The following DPP6 variants were observed in gnomAD, a reference collection of about 807,000 sequenced individuals.
The protein encoded by DPP6 is A-type potassium channel modulatory protein DPP6.
A neutral mutation model predicts 122.6 loss-of-function variants in DPP6; 69 were observed. That is an observed-to-expected ratio of 0.56 (90% CI 0.46 to 0.69). The LOEUF (loss-of-function observed/expected upper bound fraction) is 0.69, where lower values mean the gene tolerates loss of function less well. Ranked by LOEUF, DPP6 falls within the 30% of genes least tolerant of loss-of-function variation. The probability of loss-of-function intolerance (pLI) is 0.00; values close to 1 mark genes in which losing one functional copy is unlikely to be tolerated. For synonymous variants in DPP6, 418 were observed against 433.1 expected (o/e 0.97, Z 0.43); for missense variants, 928 against 1,116.9 (o/e 0.83, Z 2.41).
At chr7:154,571,940 C>T (rs1291744760) in intron 5 of DPP6, among the ~76,000 whole-genome samples, 2 of 152,136 alleles carry the variant, frequency 1.3e-5, no homozygotes, top group Non-Finnish European at 2.9e-5. Flanking sequence ...CACTCAGGGT[C>T]TTCTATAAAG....
intron 1 of DPP6, among the ~76,000 whole-genome samples, chr7:154,209,675 TATC>T (rs1419966480): frequency 6.6e-6 from 1 of 152,168 alleles, no homozygotes; most frequent in Non-Finnish European, 1.5e-5. Context: ...CACCATGAAT[TATC>T]ATCATCGTTT....
chr7:154,361,583 T>C (rs1330841383), intron 1 of DPP6, among the ~76,000 whole-genome samples: 1 of 119,228 alleles, frequency 8.4e-6, no homozygotes, highest in Non-Finnish European at 1.6e-5. Context: ...AGCAAAGAAA[T>C]CTTGAGAATA....
At chr7:153,872,107 G>A in the DPP6 span, among the ~76,000 whole-genome samples, 23 of 152,148 alleles carry the variant, frequency 1.5e-4, no homozygotes, top group African/African-American at 4.8e-4. Flanking sequence ...ATCCACAATC[G>A]TTCCATCTGT....
intron 1 of DPP6, among the ~76,000 whole-genome samples, chr7:154,183,289 C>G (rs1798186392): frequency 6.6e-6 from 1 of 152,158 alleles, no homozygotes; most frequent in Admixed American, 6.6e-5. Context: ...CCCAAAAGAA[C>G]AGTGTTCATT....
intron 1 of DPP6, among the ~76,000 whole-genome samples, chr7:153,943,997 C>T (rs919169847): frequency 6.6e-6 from 1 of 152,192 alleles, no homozygotes; most frequent in Non-Finnish European, 1.5e-5. Flanking sequence ...AGCTGCTCCA[C>T]GGTTTCCCCA....
At chr7:154,017,865 A>T (rs1452270276) in intron 1 of DPP6, among the ~76,000 whole-genome samples, 1 of 151,822 alleles carries the variant, frequency 6.6e-6, no homozygotes, top group Non-Finnish European at 1.5e-5. Flanking sequence ...TCTCTTCTTC[A>T]TAAGTGAGGA....
At chr7:154,753,979 G>A (rs527525441) in intron 8 of DPP6, among the ~76,000 whole-genome samples, 20 of 152,122 alleles carry the variant, frequency 1.3e-4, no homozygotes, top group Non-Finnish European at 2.5e-4. Flanking sequence ...ATTAATCATC[G>A]GATATAGTTG....
At chr7:154,786,317 G>C (rs573701287) in intron 10 of DPP6, among the ~76,000 whole-genome samples, 1 of 152,210 alleles carries the variant, frequency 6.6e-6, no homozygotes, top group South Asian at 2.1e-4. Flanking sequence ...CCAGCATTTT[G>C]AGATGCTAAA....
chr7:154,265,601 T>G (rs891349096), intron 1 of DPP6, among the ~76,000 whole-genome samples: 1 of 152,210 alleles, frequency 6.6e-6, no homozygotes, highest in African/African-American at 2.4e-5. Flanking sequence ...CACCATTGAT[T>G]GTATTAGCAA....
intron 3 of DPP6, among the ~76,000 whole-genome samples, chr7:154,512,365 GTATTATT>G: frequency 2.0e-5 from 3 of 152,256 alleles, no homozygotes; most frequent in Non-Finnish European, 4.4e-5. Flanking sequence ...GAAGCACGCT[GTATTATT>G]TTTCATGACA....
chr7:154,284,474 G>A (rs146053265), intron 1 of DPP6, among the ~76,000 whole-genome samples: 2 of 152,202 alleles, frequency 1.3e-5, no homozygotes, highest in African/African-American at 2.4e-5. Context: ...TCAATAAAAT[G>A]TGGTATATCC....
intron 21 of DPP6, chr7:154,884,518 C>T (rs541700058): frequency 2.6e-5 from 4 of 152,138 alleles, no homozygotes; most frequent in South Asian, 2.1e-4. Context: ...CATGCTCACA[C>T]ACATTCACAT....
chr7:153,749,697 G>T, the DPP6 span, among the ~76,000 whole-genome samples: 1 of 152,108 alleles, frequency 6.6e-6, no homozygotes, highest in Non-Finnish European at 1.5e-5. This position sits in a 1 kb window ranked among gnomAD's most constrained non-coding sequence, Gnocchi z 4.1. Flanking sequence ...ATCCTGTGGG[G>T]CCCGGCCACC....
intron 1 of DPP6, among the ~76,000 whole-genome samples, chr7:154,190,746 C>T (rs1441577344): frequency 6.6e-6 from 1 of 152,008 alleles, no homozygotes; most frequent in Non-Finnish European, 1.5e-5. Context: ...GCCTGAAAAG[C>T]CCATGAATTC....
intron 5 of DPP6, chr7:154,587,744 A>G: frequency 6.3e-7 from 1 of 1,575,312 alleles, no homozygotes; most frequent in Non-Finnish European, 8.6e-7. Context: ...GCTTGTCACC[A>G]GGGCTGTTTT....
chr7:154,301,417 G>A (rs1367696776), intron 1 of DPP6, among the ~76,000 whole-genome samples: 3 of 152,096 alleles, frequency 2.0e-5, no homozygotes, highest in African/African-American at 4.8e-5. Flanking sequence ...CCTGCAGCCC[G>A]TAGTTACTGA....
At chr7:154,273,608 C>T (rs1405163698) in intron 1 of DPP6, among the ~76,000 whole-genome samples, 3 of 152,174 alleles carry the variant, frequency 2.0e-5, no homozygotes, top group South Asian at 2.1e-4. Flanking sequence ...AAACAATTCA[C>T]GTTCTGTAGA....
rs372727461 is a variant in DPP6 at position 154,801,307 on chromosome 7, A to C, written c.1300-48A>C. On this transcript the variant is annotated intron_variant, in intron 12 of 25. Transcript: ENST00000377770. ...TTTTATCCTGGTTCAACCTCTTCAG[A>C]ATAAATGATGTTTTAGTTGTGGTTT... 4.3e-5 allele frequency: 67 copies of C among 1,552,314 alleles called. 2 individuals carry two copies. In the South Asian group the frequency reaches 7.7e-4, roughly 18 times the overall value.
chr7:153,970,444 T>C (rs1415338284), intron 1 of DPP6, among the ~76,000 whole-genome samples: 4 of 152,210 alleles, frequency 2.6e-5, no homozygotes, highest in African/African-American at 9.6e-5. Flanking sequence ...CTTGCTGTCA[T>C]TTCTTTAACA....
Sources: allele counts gnomAD v4.1 joint callset (sites outside exome capture counted in the v4.1 genomes callset), GRCh38; gene constraint gnomAD v4.1.1; non-coding constraint Gnocchi (gnomAD v3.1); transcripts MANE v1.5; gene names NCBI Gene and HGNC (gene_info 2026-07-23, HGNC 2026-07-21).